Variants in CUBN observed in about 807,000 individuals in gnomAD.
CUBN encodes the protein 460 kDa receptor.
In CUBN, 282 loss-of-function variants were observed where a neutral mutation model predicts 405.3. The observed-to-expected ratio is 0.70, with a 90% confidence interval of 0.63 to 0.77. The LOEUF (loss-of-function observed/expected upper bound fraction) is 0.77, where lower values mean the gene tolerates loss of function less well. CUBN is among the 30% of genes least tolerant of loss of function. The pLI, the probability that CUBN is intolerant of heterozygous loss-of-function variation, is 0.00. For synonymous variants in CUBN, 1,684 were observed against 1,617.0 expected, an observed-to-expected ratio of 1.04 and a Z score of -0.99; for missense variants, 4,514 against 4,475.2, an observed-to-expected ratio of 1.01 and a Z score of -0.25.
At chr10:17,023,688 G>T in intron 27 of CUBN, 1 of 454,994 alleles carries the variant, frequency 2.2e-6, no homozygotes, top group Non-Finnish European at 4.4e-6. Context: ...AGAGCCTGAA[G>T]ATCTACTCAG....
chr10:17,071,785 A>C, intron 18 of CUBN, 42 bp downstream of exon 18: 1 of 1,597,598 alleles, frequency 6.3e-7, no homozygotes, highest in East Asian at 2.2e-5. Context: ...AAAATATTAC[A>C]ATCAGGCAAA....
At chr10:16,884,948 C>G (rs17139440) in intron 56 of CUBN, among the ~76,000 whole-genome samples, 8,460 of 152,206 alleles carry the variant, frequency 0.056, 773 homozygotes, top group East Asian at 0.32. Context: ...CAGAGTCTCT[C>G]AGAAACAGTT....
chr10:16,827,153 T>C (rs1797088), intron 66 of CUBN, among the ~76,000 whole-genome samples: 19,504 of 152,162 alleles, frequency 0.13, 1,753 homozygotes, highest in East Asian at 0.35. Context: ...GTGTTGTCTG[T>C]AGTTGCAAAA....
chr10:16,957,777 C>T (rs1171264036), intron 31 of CUBN, among the ~76,000 whole-genome samples: 2 of 152,040 alleles, frequency 1.3e-5, no homozygotes, highest in South Asian at 2.1e-4. Context: ...ATCTGCATTT[C>T]CTTGTTAACT....
intron 45 of CUBN, among the ~76,000 whole-genome samples, 154 bp from the exon 46 acceptor site, chr10:16,916,184 C>T (rs960775598): frequency 5.9e-5 from 9 of 152,138 alleles, no homozygotes; most frequent in East Asian, 3.8e-4. Flanking sequence ...ATTCTGAAAA[C>T]GGTTAGTGCT....
chr10:16,925,809 T>C (rs1200117411), intron 41 of CUBN, 35 bp from the exon 42 acceptor site: 2 of 1,592,608 alleles, frequency 1.3e-6, no homozygotes, highest in East Asian at 2.2e-5. Flanking sequence ...GTTATTTAAA[T>C]AGCATTGGCA....
Position 17,123,764 on chromosome 10 carries a change from G to A in CUBN, c.388-75C>T. On this transcript the variant is annotated intron_variant, in intron 4 of 66. Transcript: ENST00000377833. ...CAAAACGCATGTTACCGTGCACGTGGGATTACATTTAACTCTTAATCAGTG... is the reference window on the plus strand; with the variant it reads ...CAAAACGCATGTTACCGTGCACGTGAGATTACATTTAACTCTTAATCAGTG... 2 of 968,726 alleles carry A rather than the reference G, an allele frequency of 2.1e-6. 1 individual carries two copies. Among genetic ancestry groups the A allele is most frequent in the South Asian group, 2.7e-5 (2 of 73,574 alleles). 60.0% of individuals were successfully genotyped at this position (968,726 alleles called of 1,614,324 possible). A position where few individuals can be genotyped will look rare whatever the true frequency, so the allele number is the denominator to read the frequency against.
At chr10:17,041,768 C>T (rs1480769122) in intron 26 of CUBN, among the ~76,000 whole-genome samples, 2 of 152,018 alleles carry the variant, frequency 1.3e-5, no homozygotes, top group African/African-American at 2.4e-5. Context: ...ATAAAGGCTC[C>T]GTTCTCCCTC....
At chr10:16,882,377 T>C (rs1450348530) in intron 56 of CUBN, among the ~76,000 whole-genome samples, 1 of 152,232 alleles carries the variant, frequency 6.6e-6, no homozygotes. Flanking sequence ...CCATCCTTCC[T>C]AAAAACTTTA....
chr10:16,879,072 T>C (rs992623635), intron 56 of CUBN, among the ~76,000 whole-genome samples: 4 of 152,208 alleles, frequency 2.6e-5, no homozygotes, highest in Non-Finnish European at 4.4e-5. Flanking sequence ...TTCCTTTGGG[T>C]ATATAAATGG....
At chr10:17,024,258 T>C (rs1281277453) in intron 27 of CUBN, among the ~76,000 whole-genome samples, 1 of 152,056 alleles carries the variant, frequency 6.6e-6, no homozygotes, top group Non-Finnish European at 1.5e-5. Flanking sequence ...TTTTGTAAGA[T>C]TGAGGGTACT....
At chr10:16,886,937 T>C (rs1014697173) in intron 56 of CUBN, among the ~76,000 whole-genome samples, 1 of 152,160 alleles carries the variant, frequency 6.6e-6, no homozygotes, top group African/African-American at 2.4e-5. Context: ...TACAGGCATG[T>C]GCCACCACAC....
intron 44 of CUBN, among the ~76,000 whole-genome samples, chr10:16,919,725 G>A (rs1841979671): frequency 6.6e-6 from 1 of 152,170 alleles, no homozygotes; most frequent in Admixed American, 6.5e-5. Context: ...GCCACCCTCA[G>A]TGTCCCTTGC....
intron 27 of CUBN, among the ~76,000 whole-genome samples, chr10:17,030,093 T>C (rs1834756984): frequency 6.6e-6 from 1 of 152,228 alleles, no homozygotes; most frequent in South Asian, 2.1e-4. Flanking sequence ...ATCGAATGCC[T>C]GATAATCTGT....
At chr10:16,980,258 T>A (rs1833225911) in intron 31 of CUBN, among the ~76,000 whole-genome samples, 1 of 152,226 alleles carries the variant, frequency 6.6e-6, no homozygotes, top group Non-Finnish European at 1.5e-5. Context: ...GTAAATTAGT[T>A]CAACCATTGT....
chr10:17,080,095 G>C (rs1337893001), intron 17 of CUBN, among the ~76,000 whole-genome samples: 2 of 152,142 alleles, frequency 1.3e-5, no homozygotes, highest in Non-Finnish European at 2.9e-5. Context: ...TTTTACCAGG[G>C]AGTTGAGTTT....
chr10:16,902,145 G>GTA (rs1301946549), intron 51 of CUBN, among the ~76,000 whole-genome samples: 12 of 126,892 alleles, frequency 9.5e-5, no homozygotes, highest in Admixed American at 2.7e-4. Context: ...ACTATATATA[G>GTA]TATATATATA....
chr10:17,111,120 A>G, intron 8 of CUBN, 70 bp from the exon 9 acceptor site: 1 of 1,522,392 alleles, frequency 6.6e-7, no homozygotes, highest in South Asian at 1.1e-5. Context: ...ACAAGAGTCA[A>G]AACATATAAA....
At chr10:17,025,869 A>G (rs971104253) in intron 27 of CUBN, among the ~76,000 whole-genome samples, 9 of 152,102 alleles carry the variant, frequency 5.9e-5, no homozygotes, top group African/African-American at 2.2e-4. Context: ...GGGTGGAGAT[A>G]AGCATGCTGT....
Sources: gnomAD v4.1 joint callset for allele counts (sites outside exome capture counted in the v4.1 genomes callset) on GRCh38, gnomAD v4.1.1 for gene constraint, MANE v1.5 for transcripts, NCBI Gene and HGNC (gene_info 2026-07-23, HGNC 2026-07-21) for gene names.